CLVS2: variants seen among roughly 807,000 people sequenced by gnomAD.
CLVS2 encodes the protein clavesin-2.
A neutral mutation model predicts 29.0 loss-of-function variants in CLVS2; 19 were observed. The observed-to-expected ratio is 0.66, with a 90% CI of 0.46 to 0.96. The LOEUF is 0.96. CLVS2 is among the 40% of genes least tolerant of loss of function. The pLI, the probability that CLVS2 is intolerant of heterozygous loss-of-function variation, is 0.00. For missense variants in CLVS2, 294 were observed against 404.1 expected (o/e 0.73, Z 2.34); for synonymous variants, 161 against 151.3 (o/e 1.06, Z -0.47).
chr6:123,047,306 T>C (rs915060219), intron 3 of CLVS2, among the ~76,000 whole-genome samples: 2 of 152,154 alleles, frequency 1.3e-5, no homozygotes, highest in African/African-American at 4.8e-5. Context: ...TGTATTCAGA[T>C]TCATTTCATT....
chr6:123,018,126 A>G (rs1774863462), intron 3 of CLVS2, among the ~76,000 whole-genome samples: 1 of 152,136 alleles, frequency 6.6e-6, no homozygotes, highest in South Asian at 2.1e-4. Context: ...GATAAAAAGT[A>G]ATTATCTATA....
chr6:123,023,855 C>G (rs1217602955), intron 3 of CLVS2, among the ~76,000 whole-genome samples: 1 of 151,998 alleles, frequency 6.6e-6, no homozygotes, highest in Non-Finnish European at 1.5e-5. Context: ...TTTATCACAT[C>G]AAAAATAGGG....
intron 3 of CLVS2, among the ~76,000 whole-genome samples, chr6:123,037,348 G>A (rs146753201): frequency 1.3e-5 from 2 of 152,178 alleles, no homozygotes; most frequent in African/African-American, 4.8e-5. Flanking sequence ...TGGTTACCTA[G>A]TTTTTCTTTT....
chr6:123,005,133 A>G (rs1184285078), intron 2 of CLVS2, among the ~76,000 whole-genome samples: 4 of 152,138 alleles, frequency 2.6e-5, no homozygotes, highest in Non-Finnish European at 4.4e-5. Flanking sequence ...CTCTGTCCTC[A>G]TCTGTAAAAT....
intron 5 of CLVS2, 105 bp downstream of exon 5, chr6:123,056,131 A>AT: frequency 2.7e-6 from 2 of 748,986 alleles, no homozygotes; most frequent in Non-Finnish European, 4.6e-6. Context: ...TTCTGGTGGG[A>AT]TTTTAAAACT....
chr6:123,032,841 C>T (rs145479051), intron 3 of CLVS2, among the ~76,000 whole-genome samples: 119 of 152,196 alleles, frequency 7.8e-4, no homozygotes, highest in African/African-American at 2.6e-3. Context: ...TTTAAACTTT[C>T]TGTGCCTCAG....
chr6:123,067,376 G>T lies in CLVS2; in HGVS notation c.*3615G>T, dbSNP rs1772878709. 6.6e-6 allele frequency: 1 copy of T among 151,676 alleles called. No homozygotes were observed. Among genetic ancestry groups the T allele is most frequent in the Non-Finnish European group, 1.5e-5 (1 of 67,736 alleles). The allele number at this position is 151,676 out of a possible 1,614,324, so 9.4% of individuals were successfully genotyped here. On this transcript the variant is annotated 3_prime_UTR_variant, in exon 6 of 6. Transcript: ENST00000275162. ...GATCATTTGCTTCTACAATGTAAAG[G>T]TTTATGGACATATCTCTGGTCCTTT...
rs74834913 is a variant in CLVS2, at chr6:123,043,984, A to G, written c.565-4638A>G. On this transcript the variant is annotated intron_variant, in intron 3 of 5. Coordinates refer to ENST00000275162, the MANE Select transcript of CLVS2 (RefSeq NM_001010852.4). Reference sequence around the variant, plus strand: ...CATACACACACACATATAATGATACATATCAATTAATTTACCCCATAAATG... The same window carrying G: ...CATACACACACACATATAATGATACGTATCAATTAATTTACCCCATAAATG... 5.5e-3 allele frequency among the ~76,000 whole-genome samples: 832 copies of G among 152,336 alleles called. 7 individuals are homozygous for G. The highest frequency in any genetic ancestry group is 0.013 in the East Asian group (65 of 5,186).
intron 5 of CLVS2, among the ~76,000 whole-genome samples, chr6:123,056,778 G>A (rs937725957): frequency 5.9e-5 from 9 of 152,168 alleles, no homozygotes; most frequent in African/African-American, 2.2e-4. Flanking sequence ...TTTGAAGAAA[G>A]CAACCACACA....
In CLVS2 at chr6:123,048,693, C is replaced by T. The variant is rs144381752; in HGVS notation, c.636C>T (p.Thr212=). The change falls in exon 4 of 6, where the codon ACC becomes ACT. Residue 212 remains threonine (T), a synonymous_variant. Coordinates refer to ENST00000275162, the MANE Select transcript of CLVS2 (RefSeq NM_001010852.4). ...CATGGTATATCCATGCCCTGTACACCGTGATCCGGCCTTTCCTGAAGGAGA... is the reference window on the plus strand; with the variant it reads ...CATGGTATATCCATGCCCTGTACACTGTGATCCGGCCTTTCCTGAAGGAGA... The part of the protein sequence containing the change: ...NQPWYIHALY[T]VIRPFLKEKT... 2.0e-4 allele frequency: 329 copies of T among 1,613,290 alleles called. 1 individual carries two copies. The highest frequency in any genetic ancestry group is 1.3e-3 in the Middle Eastern group (8 of 6,054).
intron 3 of CLVS2, among the ~76,000 whole-genome samples, chr6:123,021,054 G>GA (rs200694993): frequency 1.1e-4 from 17 of 150,598 alleles, no homozygotes; most frequent in African/African-American, 4.1e-4. Flanking sequence ...AAGAGTATGG[G>GA]GGGGGTAAAA....
intron 3 of CLVS2, among the ~76,000 whole-genome samples, chr6:123,035,002 C>T (rs923688314): frequency 1.2e-4 from 19 of 152,044 alleles, no homozygotes; most frequent in Admixed American, 5.9e-4. Flanking sequence ...TACAGAGTAT[C>T]GCAGGCACAA....
At chr6:123,038,849 A>G (rs1231381443) in intron 3 of CLVS2, among the ~76,000 whole-genome samples, 1 of 152,222 alleles carries the variant, frequency 6.6e-6, no homozygotes, top group Non-Finnish European at 1.5e-5. Context: ...AAAATGTAAA[A>G]ATGAAACAAA....
chr6:123,004,669 T>G (rs576404241), intron 2 of CLVS2, among the ~76,000 whole-genome samples: 176 of 152,266 alleles, frequency 1.2e-3, no homozygotes, highest in Non-Finnish European at 2.2e-3. Flanking sequence ...TGCCAGCACT[T>G]TGGGAGGCCA....
chr6:123,050,486 G>A (rs1772591632), intron 4 of CLVS2, among the ~76,000 whole-genome samples: 1 of 152,182 alleles, frequency 6.6e-6, no homozygotes, highest in South Asian at 2.1e-4. Flanking sequence ...ATCACAGCTA[G>A]CAGATCGTAG....
chr6:123,008,965 T>C (rs931060629), intron 2 of CLVS2, among the ~76,000 whole-genome samples: 3 of 152,164 alleles, frequency 2.0e-5, no homozygotes, highest in Non-Finnish European at 2.9e-5. Context: ...TTTTGACTTT[T>C]GCCTTTTATA....
chr6:123,056,992 A>G (rs559651304), intron 5 of CLVS2, among the ~76,000 whole-genome samples: 15 of 152,210 alleles, frequency 9.9e-5, no homozygotes, highest in Non-Finnish European at 2.2e-4. Flanking sequence ...TTCAATCAAT[A>G]GTCTGGGGAG....
chr6:123,007,999 T>C (rs778743272), intron 2 of CLVS2, among the ~76,000 whole-genome samples: 7 of 152,156 alleles, frequency 4.6e-5, no homozygotes, highest in African/African-American at 1.4e-4. Flanking sequence ...ATAAAATTCA[T>C]AGATGCTACA....
At chr6:123,034,589 C>T (rs1244007934) in intron 3 of CLVS2, among the ~76,000 whole-genome samples, 4 of 152,128 alleles carry the variant, frequency 2.6e-5, no homozygotes, top group African/African-American at 9.7e-5. Context: ...TTGAGCGTTA[C>T]TCTGAAGGGG....
Sources: gnomAD v4.1 joint callset for allele counts (sites outside exome capture counted in the v4.1 genomes callset) on GRCh38, gnomAD v4.1.1 for gene constraint, MANE v1.5 for transcripts, NCBI Gene and HGNC (gene_info 2026-07-23, HGNC 2026-07-21) for gene names.